GNAI2: variants seen among roughly 807,000 people sequenced by gnomAD.
The protein encoded by GNAI2 is guanine nucleotide-binding protein G(i) subunit alpha-2.
GNAI2 carries 4 observed loss-of-function variants against 36.8 expected under a neutral mutation model. The observed-to-expected ratio is 0.11, with a 90% confidence interval of 0.05 to 0.25. The LOEUF (loss-of-function observed/expected upper bound fraction) is 0.25. GNAI2 is among the 10% of genes least tolerant of loss of function. The probability of loss-of-function intolerance (pLI) is 1.00; values close to 1 mark genes in which losing one functional copy is unlikely to be tolerated. For missense variants in GNAI2, 230 were observed against 481.3 expected (o/e 0.48, Z 4.89); for synonymous variants, 194 against 194.1 (o/e 1.00, Z 0.01).
At chr3:50,248,269 C>T (rs1254663656) in intron 1 of GNAI2, among the ~76,000 whole-genome samples, 1 of 152,134 alleles carries the variant, frequency 6.6e-6, no homozygotes, top group Non-Finnish European at 1.5e-5. Context: ...AAAATCTGGA[C>T]TCAGCCACCC....
chr3:50,248,769 T>A (rs1700478811), intron 1 of GNAI2, among the ~76,000 whole-genome samples: 1 of 152,088 alleles, frequency 6.6e-6, no homozygotes, highest in Non-Finnish European at 1.5e-5. Flanking sequence ...GGATAGAGAA[T>A]GTTCTCTTAA....
chr3:50,245,954 T>C (rs1466510728), intron 1 of GNAI2, among the ~76,000 whole-genome samples: 1 of 152,068 alleles, frequency 6.6e-6, no homozygotes, highest in Non-Finnish European at 1.5e-5. Context: ...GAGGGAGGTG[T>C]GGAGTCTGTT....
At chr3:50,246,307 G>A (rs782693906) in intron 1 of GNAI2, among the ~76,000 whole-genome samples, 4 of 152,172 alleles carry the variant, frequency 2.6e-5, no homozygotes, top group African/African-American at 9.7e-5. Flanking sequence ...GAAACAAAAC[G>A]CTCCCCAGTG....
chr3:50,252,874 A>G lies in GNAI2; in HGVS notation c.304-150A>G. The G allele has an allele frequency of 1.5e-6, 1 of 664,786 alleles. No homozygotes were observed. Among genetic ancestry groups the G allele is most frequent in the Non-Finnish European group, 2.5e-6 (1 of 392,826 alleles). The allele number at this position is 664,786 out of a possible 1,614,324, so 41.2% of individuals were successfully genotyped here. A position where few individuals can be genotyped will look rare whatever the true frequency, so the allele number is the denominator to read the frequency against. On this transcript the variant is annotated intron_variant, in intron 3 of 8. Transcript: ENST00000313601. This position sits in a 1 kb window ranked among gnomAD's most constrained non-coding sequence, Gnocchi z 4.1. ...GCTAGACTCCGTCACAGAAAAAAGTAAACAACAACAACAAAAAGGTTTTAG... is the reference window on the plus strand; with the variant it reads ...GCTAGACTCCGTCACAGAAAAAAGTGAACAACAACAACAAAAAGGTTTTAG...
chr3:50,253,251 G>A lies in GNAI2; in HGVS notation c.464+67G>A. 8.4e-6 allele frequency: 11 copies of A among 1,313,244 alleles called. No individual in the cohort carries two copies. Among genetic ancestry groups the A allele is most frequent in the Non-Finnish European group, 1.2e-5 (11 of 939,820 alleles). 81.3% of individuals were successfully genotyped at this position (1,313,244 alleles called of 1,614,324 possible). ...GGGGAGGACTAAAGGCTGGACCGGA[G>A]GGCCTGAGAACCCCCAGAAGGACAC... On this transcript the variant is annotated intron_variant, in intron 4 of 8. Coordinates refer to ENST00000313601, the MANE Select transcript of GNAI2 (RefSeq NM_002070.4). This position sits in a 1 kb window ranked among gnomAD's most constrained non-coding sequence, Gnocchi z 4.2.
rs150390208 is a variant in GNAI2, at chr3:50,255,514, C to T, written c.465-678C>T. Among the ~76,000 whole-genome samples the T allele has an allele frequency of 6.6e-6, 1 of 152,204 alleles. No homozygotes were observed. Among genetic ancestry groups the T allele is most frequent in the Non-Finnish European group, 1.5e-5 (1 of 68,046 alleles). On this transcript the variant is annotated intron_variant, in intron 4 of 8. Transcript: ENST00000313601. This position sits in a 1 kb window ranked among gnomAD's most constrained non-coding sequence, Gnocchi z 4.0. ...ATGCCGTAATTGCGCCCATTAGCAT[C>T]CTGAATCCTTCACCGAAGGACTAAT...
At position 50,252,684 on chromosome 3, in the gene GNAI2, T is replaced by A. The variant is rs587728749; in HGVS notation, c.303+146T>A. ...GTCAGGACCAGCCTGGCCAACTTGG[T>A]GAAACCGCGTCTCTACTAAAAATAC... On this transcript the variant is annotated intron_variant, in intron 3 of 8. Coordinates refer to ENST00000313601, the MANE Select transcript of GNAI2 (RefSeq NM_002070.4). This position sits in a 1 kb window ranked among gnomAD's most constrained non-coding sequence, Gnocchi z 4.1. The A allele has an allele frequency of 1.1e-4, 73 of 670,206 alleles. No individual in the cohort carries two copies. The highest frequency in any genetic ancestry group is 1.8e-4 in the Non-Finnish European group (71 of 395,694). 41.5% of individuals were successfully genotyped at this position (670,206 alleles called of 1,614,324 possible). A position where few individuals can be genotyped will look rare whatever the true frequency, so the allele number is the denominator to read the frequency against.
At position 50,253,130 on chromosome 3, in the gene GNAI2, T is replaced by G; in HGVS notation, c.410T>G (p.Val137Gly). 1 of 1,613,666 alleles carries G rather than the reference T, an allele frequency of 6.2e-7. No homozygotes were observed. The highest frequency in any genetic ancestry group is 8.5e-7 in the Non-Finnish European group (1 of 1,179,806). The change falls in exon 4 of 9, where the codon GTG (valine) becomes GGG (glycine). Residue 137 changes from valine to glycine, a missense_variant. Around this residue, in one of 4 missense-constraint regions of GNAI2, gnomAD observed 132 missense variants for 247.4 expected, o/e 0.53. Transcript: ENST00000313601. The surrounding 1 kb of genome is among the most constrained non-coding windows in gnomAD (Gnocchi z 4.2). ...VIRRLWADHG[V>G]QACFGRSREY... Reference sequence around the variant, plus strand: ...CGGAGGCTCTGGGCTGACCATGGTGTGCAGGCCTGCTTTGGCCGCTCAAGG... The same window carrying G: ...CGGAGGCTCTGGGCTGACCATGGTGGGCAGGCCTGCTTTGGCCGCTCAAGG...
upstream of GNAI2, chr3:50,236,203 C>T (rs1700162146): frequency 8.5e-7 from 1 of 1,180,270 alleles, no homozygotes; most frequent in Non-Finnish European, 1.0e-6. The surrounding 1 kb of genome is among the most constrained non-coding windows in gnomAD (Gnocchi z 4.0). Context: ...GCGCCTCCCG[C>T]AGTCGCTCGG....
At position 50,252,887 on chromosome 3, in the gene GNAI2, A is replaced by C; in HGVS notation, c.304-137A>C. ...ACAGAAAAAAGTAAACAACAACAAC[A>C]AAAAGGTTTTAGGGCAAGTCTCATC... On this transcript the variant is annotated intron_variant, in intron 3 of 8. Transcript: ENST00000313601. The surrounding 1 kb of genome is among the most constrained non-coding windows in gnomAD (Gnocchi z 4.1). 1 of 709,246 alleles carries C rather than the reference A, an allele frequency of 1.4e-6. No homozygotes were observed. The highest frequency in any genetic ancestry group is 3.1e-4 in the Middle Eastern group (1 of 3,214). The allele number at this position is 709,246 out of a possible 1,614,324, so 43.9% of individuals were successfully genotyped here.
upstream of GNAI2, among the ~76,000 whole-genome samples, chr3:50,232,875 T>G: frequency 6.9e-6 from 1 of 145,428 alleles, no homozygotes; most frequent in Non-Finnish European, 1.5e-5. Flanking sequence ...AGGGGGTCAT[T>G]GCTGTGGCTG....
upstream of GNAI2, chr3:50,227,509 C>A (rs1385247514): frequency 8.8e-6 from 2 of 226,178 alleles, no homozygotes; most frequent in East Asian, 1.6e-4. This position sits in a 1 kb window ranked among gnomAD's most constrained non-coding sequence, Gnocchi z 5.9. Flanking sequence ...CAGGAGGCGC[C>A]GCTGCCCCGC....
At chr3:50,227,546 C>T, upstream of GNAI2, 1 of 183,944 alleles carries the variant, frequency 5.4e-6, no homozygotes, top group Non-Finnish European at 1.1e-5. The surrounding 1 kb of genome is among the most constrained non-coding windows in gnomAD (Gnocchi z 5.9). Context: ...CTCCCGGCCA[C>T]CGAAATCCCG....
intron 1 of GNAI2, 158 bp from the exon 2 acceptor site, chr3:50,251,942 T>C: frequency 1.8e-5 from 16 of 885,338 alleles, no homozygotes; most frequent in Non-Finnish European, 2.7e-5. Context: ...GCATTCCTGG[T>C]AGCTCAACTG....
At chr3:50,236,199 C>G (rs1013726883), upstream of GNAI2, 1 of 1,179,276 alleles carries the variant, frequency 8.5e-7, no homozygotes, top group Non-Finnish European at 1.0e-6. The surrounding 1 kb of genome is among the most constrained non-coding windows in gnomAD (Gnocchi z 4.0). Flanking sequence ...GAAGGCGCCT[C>G]CCGCAGTCGC....
chr3:50,252,419 T>C lies in GNAI2; in HGVS notation c.184T>C (p.Ser62Pro). The C allele has an allele frequency of 6.2e-7, 1 of 1,613,732 alleles. No homozygotes were observed. Among genetic ancestry groups the C allele is most frequent in the Non-Finnish European group, 8.5e-7 (1 of 1,179,966 alleles). Residue 62 changes from serine to proline, a missense_variant, in exon 3 of 9, where the codon TCC becomes CCC. Ser to Pro is a moderately conservative substitution (Grantham distance 74, BLOSUM62 -1). Around this residue, in one of 4 missense-constraint regions of GNAI2, gnomAD observed 132 missense variants for 247.4 expected, o/e 0.53. Transcript: ENST00000313601. This position sits in a 1 kb window ranked among gnomAD's most constrained non-coding sequence, Gnocchi z 4.1. ...CAGGATCATCCACGAGGATGGCTAC[T>C]CCGAGGAGGAATGCCGGCAGTACCG... ...QMKIIHEDGYSEEECRQYRAV... is the reference protein window; with the variant it reads ...QMKIIHEDGYPEEECRQYRAV...
intron 1 of GNAI2, among the ~76,000 whole-genome samples, chr3:50,244,055 G>A (rs1475556543): frequency 7.2e-6 from 1 of 138,012 alleles, no homozygotes; most frequent in Non-Finnish European, 1.5e-5. Flanking sequence ...TTGAGATGGA[G>A]TCTCACTCTG....
chr3:50,234,796 G>A (rs1487491192), upstream of GNAI2, among the ~76,000 whole-genome samples: 4 of 152,222 alleles, frequency 2.6e-5, no homozygotes, highest in East Asian at 1.9e-4. Flanking sequence ...AAATGCCTTC[G>A]TGGTTAATTT....
chr3:50,241,069 C>T lies in GNAI2; in HGVS notation c.118+4616C>T, dbSNP rs1472230771. On this transcript the variant is annotated intron_variant, in intron 1 of 8. Coordinates refer to ENST00000313601, the MANE Select transcript of GNAI2 (RefSeq NM_002070.4). The surrounding 1 kb of genome is among the most constrained non-coding windows in gnomAD (Gnocchi z 5.0). ...TCCCCTGCCCTCAGGCAGCTGTTCACAGCAAGTGGGGAGCCCAAGGCGTGC... is the reference window on the plus strand; with the variant it reads ...TCCCCTGCCCTCAGGCAGCTGTTCATAGCAAGTGGGGAGCCCAAGGCGTGC... Among the ~76,000 whole-genome samples the T allele has an allele frequency of 3.3e-5, 5 of 152,146 alleles. No individual in the cohort carries two copies. The highest frequency in any genetic ancestry group is 1.2e-4 in the African/African-American group (5 of 41,432).
Sources: gnomAD v4.1 joint callset for allele counts (sites outside exome capture counted in the v4.1 genomes callset) on GRCh38, gnomAD v4.1.1 for gene constraint, gnomAD v4.1.1 regional missense constraint, Gnocchi (gnomAD v3.1) non-coding constraint, MANE v1.5 for transcripts, NCBI Gene and HGNC (gene_info 2026-07-23, HGNC 2026-07-21) for gene names.